SBNO1: variants seen among roughly 807,000 people sequenced by gnomAD.
The protein encoded by SBNO1 is strawberry notch homolog 1.
SBNO1 carries 23 observed loss-of-function variants against 173.6 expected under a neutral mutation model. The ratio of observed to expected loss-of-function variants is 0.13; its 90% CI spans 0.10 to 0.19. The LOEUF is 0.19. Ranked by LOEUF, SBNO1 falls within the 10% of genes least tolerant of loss-of-function variation. The pLI is 1.00. For synonymous variants in SBNO1, 632 were observed against 571.5 expected (o/e 1.11, Z -1.51); for missense variants, 1,238 against 1,671.2 (o/e 0.74, Z 4.52).
intron 1 of SBNO1, among the ~76,000 whole-genome samples, chr12:123,352,941 C>G (rs1874054634): frequency 2.0e-5 from 3 of 152,094 alleles, no homozygotes; most frequent in Non-Finnish European, 4.4e-5. Context: ...GGGACTACAG[C>G]CGCCCGCCAC....
intron 1 of SBNO1, among the ~76,000 whole-genome samples, chr12:123,358,719 G>A (rs1263768551): frequency 1.6e-5 from 2 of 124,274 alleles, no homozygotes; most frequent in African/African-American, 6.6e-5. Context: ...CTCCAGCCAG[G>A]GCAACACAGC....
At chr12:123,364,091 A>C (rs1205762482) in intron 1 of SBNO1, 1 of 985,384 alleles carries the variant, frequency 1.0e-6, no homozygotes, top group African/African-American at 1.7e-5. Context: ...GGCAGAACTA[A>C]GCGAGTCGCC....
chr12:123,299,607 A>AG (rs1378398936), intron 30 of SBNO1, among the ~76,000 whole-genome samples: 32 of 133,142 alleles, frequency 2.4e-4, no homozygotes, highest in East Asian at 1.0e-3. Context: ...CGTAAACCTC[A>AG]GAGGCGGAGC....
Position 123,294,634 on chromosome 12 carries a change from C to CAAAAAAAAAAAAAAAAAAAAAA in SBNO1, c.*1252_*1273dup, listed in dbSNP as rs143013489. On this transcript the variant is annotated 3_prime_UTR_variant, in exon 32 of 32. Transcript: ENST00000602398. Reference sequence around the variant, plus strand: ...TTTTCAATAGTGCAACCTGTGGAAGCAAAAAAAAAAAAAAAAAAAAAAAAA... The same window carrying CAAAAAAAAAAAAAAAAAAAAAA: ...TTTTCAATAGTGCAACCTGTGGAAGCAAAAAAAAAAAAAAAAAAAAAAAAAAAAAAAAAAAAAAAAAAAAAAA... 65 of 60,028 alleles carry CAAAAAAAAAAAAAAAAAAAAAA rather than the reference C, an allele frequency of 1.1e-3. 4 individuals carry two copies. Among genetic ancestry groups the CAAAAAAAAAAAAAAAAAAAAAA allele is most frequent in the Middle Eastern group, 0.013 (1 of 78 alleles). 3.7% of individuals were successfully genotyped at this position (60,028 alleles called of 1,614,324 possible).
intron 28 of SBNO1, 57 bp downstream of exon 28, chr12:123,309,253 A>G (rs2048996994): frequency 8.0e-7 from 1 of 1,253,294 alleles, no homozygotes; most frequent in African/African-American, 1.5e-5. Flanking sequence ...GACAATTACA[A>G]TGCTGGCCAT....
At chr12:123,304,468 T>G (rs2048867686) in intron 29 of SBNO1, 114 bp downstream of exon 29, 1 of 751,576 alleles carries the variant, frequency 1.3e-6, no homozygotes, top group Admixed American at 2.5e-5. Context: ...ACTCCTGACC[T>G]CAGGTGATCT....
At chr12:123,351,864 C>T (rs1231567422) in intron 1 of SBNO1, among the ~76,000 whole-genome samples, 2 of 151,882 alleles carry the variant, frequency 1.3e-5, no homozygotes, top group Admixed American at 6.6e-5. Flanking sequence ...ATATGAAGCA[C>T]GTCAGAGAAA....
chr12:123,331,584 C>T (rs1477908334), intron 7 of SBNO1, among the ~76,000 whole-genome samples: 4 of 151,932 alleles, frequency 2.6e-5, no homozygotes, highest in Non-Finnish European at 5.9e-5. Flanking sequence ...TGCAGTGGCG[C>T]GATCTTGGCT....
In SBNO1 at chr12:123,295,981, T is replaced by C; in HGVS notation, c.4109A>G (p.Gln1370Arg). The change falls in exon 32 of 32, where the codon CAG (glutamine) becomes CGG (arginine). Residue 1370 changes from glutamine (Q) to arginine (R), a missense_variant. Gln to Arg is a conservative substitution (Grantham distance 43). Transcript: ENST00000602398. ...TAGCTGTTTCTGTTGGACCGCAAGC[T>C]GTTGAGACTGGTCTGAAGTTGATAG... ...NLLSTSDQSQ[Q>R]LAVQQKQLWQ... 6.2e-7 allele frequency: 1 copy of C among 1,613,974 alleles called. No individual in the cohort carries two copies. Among genetic ancestry groups the C allele is most frequent in the Non-Finnish European group, 8.5e-7 (1 of 1,179,820 alleles).
At chr12:123,349,129 T>C (rs1443570084) in intron 2 of SBNO1, 1 of 152,080 alleles carries the variant, frequency 6.6e-6, no homozygotes, top group Non-Finnish European at 1.5e-5. Context: ...AAACAAGGTC[T>C]TGCTCTGTCA....
chr12:123,354,872 A>T (rs1874262723), intron 1 of SBNO1, among the ~76,000 whole-genome samples: 2 of 152,228 alleles, frequency 1.3e-5, no homozygotes, highest in South Asian at 4.1e-4. Flanking sequence ...AATGGACAAA[A>T]AAAAGAGTTC....
At chr12:123,331,552 C>T (rs962605045) in intron 7 of SBNO1, among the ~76,000 whole-genome samples, 177 bp from the exon 8 acceptor site, 3 of 152,022 alleles carry the variant, frequency 2.0e-5, no homozygotes, top group Non-Finnish European at 2.9e-5. Flanking sequence ...GACGGAGTCT[C>T]GCTCTGTCGC....
chr12:123,337,811 G>A (rs7977563), intron 5 of SBNO1, among the ~76,000 whole-genome samples: 145,242 of 152,280 alleles, frequency 0.95, 69,395 homozygotes, highest in Non-Finnish European at 0.96. Context: ...CCCTGTCCTC[G>A]CTTATAAAAT....
At chr12:123,309,024 C>A (rs894574756) in intron 28 of SBNO1, among the ~76,000 whole-genome samples, 1 of 151,916 alleles carries the variant, frequency 6.6e-6, no homozygotes, top group African/African-American at 2.4e-5. Flanking sequence ...GAGCTGAGAT[C>A]GTGCCATTGC....
intron 15 of SBNO1, among the ~76,000 whole-genome samples, chr12:123,324,629 G>T (rs1870396823): frequency 6.6e-6 from 1 of 151,852 alleles, no homozygotes; most frequent in Admixed American, 6.6e-5. Context: ...CTTTTGAAAG[G>T]AGCATCTGAA....
At chr12:123,330,292 T>C in intron 9 of SBNO1, 127 bp downstream of exon 9, 3 of 651,382 alleles carry the variant, frequency 4.6e-6, no homozygotes, top group Non-Finnish European at 5.4e-6. Context: ...GCACTCACTA[T>C]GCTTTCTGTG....
At chr12:123,334,279 T>C in intron 6 of SBNO1, 66 bp from the exon 7 acceptor site, 1 of 948,590 alleles carries the variant, frequency 1.1e-6, no homozygotes, top group South Asian at 1.8e-5. Context: ...AGTTTCATTA[T>C]AAGATATTTC....
At chr12:123,304,791 G>T in intron 28 of SBNO1, 72 bp from the exon 29 acceptor site, 1 of 1,018,114 alleles carries the variant, frequency 9.8e-7, no homozygotes, top group Non-Finnish European at 1.5e-6. Flanking sequence ...GTACCATCAC[G>T]TCAGCAAACA....
At position 123,320,464 on chromosome 12, in the gene SBNO1, C is replaced by T. The variant is rs747733600; in HGVS notation, c.2635G>A (p.Asp879Asn). Residue 879 changes from aspartate to asparagine, a missense_variant, in exon 19 of 32, where the codon GAT becomes AAT. By Grantham distance (23) the Asp-to-Asn change is conservative. Transcript: ENST00000602398. ...LPPNTLDELI[D>N]ELGGPENVAE... ...ACGTTCTCAGGGCCACCAAGTTCAT[C>T]GATAAGTTCATCCAGGGTATTAGGG... 1.7e-5 allele frequency: 28 copies of T among 1,613,458 alleles called. No individual in the cohort carries two copies. The South Asian group carries it at 2.0e-4, about 11-fold the overall frequency.
Sources: allele counts gnomAD v4.1 joint callset (sites outside exome capture counted in the v4.1 genomes callset), GRCh38; gene constraint gnomAD v4.1.1; transcripts MANE v1.5; gene names NCBI Gene and HGNC (gene_info 2026-07-23, HGNC 2026-07-21).